GALNT17: variants seen among roughly 807,000 people sequenced by gnomAD.
GALNT17 encodes polypeptide N-acetylgalactosaminyltransferase 17.
In GALNT17, 29 loss-of-function variants were observed where a neutral mutation model predicts 63.7. That is an observed-to-expected ratio of 0.46 (90% CI 0.34 to 0.62). The LOEUF (loss-of-function observed/expected upper bound fraction) is 0.62, where lower values mean the gene tolerates loss of function less well. Among genes scored for constraint, GALNT17 ranks in the 20% least tolerant of loss-of-function variants. The pLI is 0.01. For missense variants in GALNT17, 603 were observed against 799.6 expected (o/e 0.75, Z 2.97); for synonymous variants, 305 against 318.3 (o/e 0.96, Z 0.45).
At position 71,287,179 on chromosome 7, in the gene GALNT17, T is replaced by A. The variant is rs572321539; in HGVS notation, c.239-48371T>A. ...ATCAGGCTTCACTGCATCCTCGACC[T>A]CCTGAGTTCAAGCGATCCTTTCACC... is the stretch of plus-strand genomic sequence containing the variant. On this transcript the variant is annotated intron_variant, in intron 1 of 10. Coordinates refer to ENST00000333538, the MANE Select transcript of GALNT17 (RefSeq NM_022479.3). 2.6e-5 allele frequency among the ~76,000 whole-genome samples: 4 copies of A among 152,282 alleles called. No individual in the cohort carries two copies. In the East Asian group the frequency reaches 7.7e-4, roughly 29 times the overall value.
At chr7:71,459,888 T>C (rs1787422262) in intron 5 of GALNT17, among the ~76,000 whole-genome samples, 1 of 152,214 alleles carries the variant, frequency 6.6e-6, no homozygotes, top group Non-Finnish European at 1.5e-5. Context: ...AATGTTTTAT[T>C]TTAACATGAA....
At chr7:71,520,638 C>T (rs1788515356) in intron 5 of GALNT17, among the ~76,000 whole-genome samples, 1 of 152,090 alleles carries the variant, frequency 6.6e-6, no homozygotes, top group African/African-American at 2.4e-5. Flanking sequence ...AAACATACTT[C>T]CATGGATGAT....
intron 5 of GALNT17, among the ~76,000 whole-genome samples, chr7:71,433,646 G>T (rs1187201665): frequency 6.6e-6 from 1 of 152,110 alleles, no homozygotes; most frequent in Admixed American, 6.6e-5. Context: ...CTGAGATTTT[G>T]CCTGTCCCTT....
intron 10 of GALNT17, among the ~76,000 whole-genome samples, chr7:71,711,512 T>C (rs1025746370): frequency 2.0e-5 from 3 of 151,170 alleles, no homozygotes; most frequent in African/African-American, 7.3e-5. Context: ...GCACTCTCTC[T>C]CTCTCCCTCT....
In GALNT17 at chr7:71,625,731, G is replaced by A. The variant is rs947475697; in HGVS notation, c.1081-39680G>A. Among the ~76,000 whole-genome samples the A allele has an allele frequency of 3.9e-5, 6 of 152,108 alleles. No homozygotes were observed. The East Asian group carries it at 5.8e-4, about 15-fold the overall frequency. On this transcript the variant is annotated intron_variant, in intron 6 of 10. Coordinates refer to ENST00000333538, the MANE Select transcript of GALNT17 (RefSeq NM_022479.3). ...ACATGACTTCAGCAGTCTCCAAAGCGCTGACAGTCTGTGTTTCTCTGAGAC... is the reference window on the plus strand; with the variant it reads ...ACATGACTTCAGCAGTCTCCAAAGCACTGACAGTCTGTGTTTCTCTGAGAC...
intron 2 of GALNT17, among the ~76,000 whole-genome samples, chr7:71,378,218 A>C (rs1792781058): frequency 6.6e-6 from 1 of 152,172 alleles, no homozygotes; most frequent in Non-Finnish European, 1.5e-5. Context: ...TGCTTCCTGG[A>C]AGAACTGCAG....
At chr7:71,193,907 G>A (rs1215998239) in intron 1 of GALNT17, among the ~76,000 whole-genome samples, 1 of 152,160 alleles carries the variant, frequency 6.6e-6, no homozygotes, top group Non-Finnish European at 1.5e-5. Context: ...CTCTTTCGGG[G>A]CGTATTGACA....
chr7:71,149,086 A>T (rs1419359620), intron 1 of GALNT17, among the ~76,000 whole-genome samples: 1 of 151,548 alleles, frequency 6.6e-6, no homozygotes, highest in Non-Finnish European at 1.5e-5. Flanking sequence ...TGCTAATTTT[A>T]TAAACTATCT....
intron 1 of GALNT17, among the ~76,000 whole-genome samples, chr7:71,199,824 A>G (rs994432244): frequency 2.6e-5 from 4 of 152,174 alleles, no homozygotes; most frequent in Admixed American, 6.6e-5. Context: ...CATCCATCCA[A>G]CATAACACAC....
chr7:71,676,802 G>C (rs1244413547), intron 8 of GALNT17, among the ~76,000 whole-genome samples: 1 of 152,126 alleles, frequency 6.6e-6, no homozygotes, highest in Non-Finnish European at 1.5e-5. Flanking sequence ...TAACCATCTG[G>C]ATAACTGGAT....
chr7:71,213,685 T>A (rs571308114), intron 1 of GALNT17, among the ~76,000 whole-genome samples: 5 of 152,056 alleles, frequency 3.3e-5, no homozygotes, highest in Non-Finnish European at 2.9e-5. Context: ...TTCTCCCACA[T>A]GGGATGATAA....
At chr7:71,612,122 T>G (rs1385628644) in intron 6 of GALNT17, among the ~76,000 whole-genome samples, 1 of 152,194 alleles carries the variant, frequency 6.6e-6, no homozygotes, top group African/African-American at 2.4e-5. Context: ...AAATGGAATG[T>G]TCCCCCAGTG....
At position 71,411,891 on chromosome 7, in the gene GALNT17, A is replaced by T. The variant is rs185751442; in HGVS notation, c.590-3998A>T. Among the ~76,000 whole-genome samples, 272 of 152,316 alleles carry T rather than the reference A, an allele frequency of 1.8e-3. 1 individual carries two copies. In the Middle Eastern group the frequency reaches 0.024, roughly 13 times the overall value. ...TTCTCACCCACAGAGGCTCCTTTAA[A>T]TATTTATAAAATGAATGCACATATC... On this transcript the variant is annotated intron_variant, in intron 3 of 10. Transcript: ENST00000333538.
chr7:71,352,455 G>A (rs1215448082), intron 2 of GALNT17, among the ~76,000 whole-genome samples: 1 of 152,208 alleles, frequency 6.6e-6, no homozygotes, highest in East Asian at 1.9e-4. Flanking sequence ...CAACATATGG[G>A]TGCACGGTAG....
At chr7:71,475,409 T>C (rs1013304888) in intron 5 of GALNT17, among the ~76,000 whole-genome samples, 1 of 152,106 alleles carries the variant, frequency 6.6e-6, no homozygotes, top group Non-Finnish European at 1.5e-5. Context: ...CAGTAACAGA[T>C]CATCAGGCAT....
intron 5 of GALNT17, among the ~76,000 whole-genome samples, chr7:71,471,397 T>TA (rs1787627056): frequency 8.7e-6 from 1 of 114,470 alleles, no homozygotes. Flanking sequence ...ATTTTTTTTT[T>TA]CCAAAAAAAA....
intron 5 of GALNT17, among the ~76,000 whole-genome samples, chr7:71,496,912 A>C (rs1016560151): frequency 4.1e-5 from 6 of 146,168 alleles, no homozygotes; most frequent in Non-Finnish European, 1.5e-5. Context: ...TGTCTATACA[A>C]AAATTAAAAA....
intron 6 of GALNT17, among the ~76,000 whole-genome samples, chr7:71,659,769 T>C (rs1484618455): frequency 6.6e-6 from 1 of 152,192 alleles, no homozygotes; most frequent in East Asian, 1.9e-4. Context: ...CATCTTTGAA[T>C]ACAGTCCAGC....
chr7:71,571,986 T>C (rs781441497), intron 6 of GALNT17, among the ~76,000 whole-genome samples: 1 of 151,010 alleles, frequency 6.6e-6, no homozygotes, highest in Non-Finnish European at 1.5e-5. Context: ...CACTCTAGCC[T>C]GGGCAACAGA....
Sources: gnomAD v4.1 joint callset for allele counts (sites outside exome capture counted in the v4.1 genomes callset) on GRCh38, gnomAD v4.1.1 for gene constraint, MANE v1.5 for transcripts, NCBI Gene and HGNC (gene_info 2026-07-23, HGNC 2026-07-21) for gene names.